The following OTUD7A variants were observed in gnomAD, a reference collection of about 807,000 sequenced individuals.
The protein encoded by OTUD7A is OTU deubiquitinase 7A, also known as OTU domain-containing protein 7A.
A neutral mutation model predicts 65.7 loss-of-function variants in OTUD7A; 12 were observed. That is an observed-to-expected ratio of 0.18 (90% CI 0.12 to 0.30). The LOEUF is 0.30. OTUD7A is among the 10% of genes least tolerant of loss of function. The pLI is 1.00. For synonymous variants in OTUD7A, 641 were observed against 586.3 expected, an observed-to-expected ratio of 1.09 and a Z score of -1.35; for missense variants, 1,148 against 1,304.8, an observed-to-expected ratio of 0.88 and a Z score of 1.85.
chr15:31,518,782 G>C (rs2041898639), intron 8 of OTUD7A, among the ~76,000 whole-genome samples: 2 of 152,244 alleles, frequency 1.3e-5, no homozygotes, highest in Admixed American at 1.3e-4. Context: ...GTCTGAGGAG[G>C]CTCAAGGGGC....
chr15:31,580,299 G>A (rs1433952368), intron 3 of OTUD7A, among the ~76,000 whole-genome samples: 2 of 152,172 alleles, frequency 1.3e-5, no homozygotes, highest in Non-Finnish European at 2.9e-5. Context: ...GGAGAGAGAT[G>A]CCCTGCAGGA....
intron 3 of OTUD7A, among the ~76,000 whole-genome samples, chr15:31,623,308 T>A (rs1401461991): frequency 1.3e-5 from 2 of 152,220 alleles, no homozygotes; most frequent in African/African-American, 4.8e-5. Context: ...ACTGGGACAT[T>A]TAAGTCTGCA....
intron 1 of OTUD7A, among the ~76,000 whole-genome samples, chr15:31,669,484 T>C (rs1028899376): frequency 3.3e-5 from 5 of 152,156 alleles, no homozygotes; most frequent in African/African-American, 1.2e-4. Flanking sequence ...GAAGGGCCGG[T>C]CTTCTCCCAC....
rs189857722 is a variant in OTUD7A, at chr15:31,659,301, C to A, written c.-99-2224G>T. On this transcript the variant is annotated intron_variant, in intron 1 of 12. Transcript: ENST00000307050. ...AGGTTACTCTTCACTCTCAGGACAG[C>A]AAACAGGGTAGTGAATGCTTTTAAC... Among the ~76,000 whole-genome samples, 4 of 152,134 alleles carry A rather than the reference C, an allele frequency of 2.6e-5. No individual in the cohort carries two copies. The East Asian group carries it at 7.8e-4, about 30-fold the overall frequency.
Position 31,862,823 on chromosome 15 carries a change from G to A in OTUD7A, c.-100+7684C>T, listed in dbSNP as rs548402017. On this transcript the variant is annotated intron_variant, in intron 1 of 12. Transcript: ENST00000307050. The stretch of plus-strand genomic sequence containing the variant: ...CAATTGTGCCTTCCCAACAGTCCCT[G>A]AAAGTCTTAACTCATTTCAGAATTA... 2.6e-5 allele frequency among the ~76,000 whole-genome samples: 4 copies of A among 152,234 alleles called. No individual in the cohort carries two copies. The East Asian group carries it at 5.8e-4, about 22-fold the overall frequency.
chr15:31,645,575 G>C (rs1224221267), intron 3 of OTUD7A, among the ~76,000 whole-genome samples: 1 of 151,958 alleles, frequency 6.6e-6, no homozygotes, highest in Non-Finnish European at 1.5e-5. Context: ...ATTTTTCTTA[G>C]CACTATCATA....
At chr15:31,714,458 GC>G (rs761581756) in intron 1 of OTUD7A, among the ~76,000 whole-genome samples, 1 of 152,106 alleles carries the variant, frequency 6.6e-6, no homozygotes, top group Non-Finnish European at 1.5e-5. Context: ...GGGGGCAGAT[GC>G]CTGCATCTCA....
chr15:31,573,194 T>C (rs554852268), intron 3 of OTUD7A, among the ~76,000 whole-genome samples: 63 of 152,178 alleles, frequency 4.1e-4, no homozygotes, highest in Non-Finnish European at 7.9e-4. Flanking sequence ...CAAAAGACAA[T>C]AGGGCCACAT....
intron 1 of OTUD7A, among the ~76,000 whole-genome samples, chr15:31,818,853 T>C (rs1051032550): frequency 1.3e-5 from 2 of 152,234 alleles, no homozygotes; most frequent in East Asian, 1.9e-4. Context: ...TATGTAGTCC[T>C]GGTATCATGG....
At chr15:31,743,400 T>A (rs971297976) in intron 1 of OTUD7A, among the ~76,000 whole-genome samples, 1 of 152,148 alleles carries the variant, frequency 6.6e-6, no homozygotes, top group Non-Finnish European at 1.5e-5. Flanking sequence ...GAAAATAATT[T>A]TAAACTTGAA....
chr15:31,758,630 TA>T (rs1251814440), intron 1 of OTUD7A, among the ~76,000 whole-genome samples: 5 of 152,220 alleles, frequency 3.3e-5, no homozygotes, highest in Non-Finnish European at 5.9e-5. Flanking sequence ...TAATATGTTC[TA>T]AAAATATATA....
At chr15:31,844,726 A>T (rs1024925565) in intron 1 of OTUD7A, among the ~76,000 whole-genome samples, 1 of 152,242 alleles carries the variant, frequency 6.6e-6, no homozygotes, top group Non-Finnish European at 1.5e-5. Flanking sequence ...AGCAGAAAAC[A>T]TCAATTACAA....
intron 2 of OTUD7A, among the ~76,000 whole-genome samples, chr15:31,656,033 T>C (rs1451683541): frequency 6.6e-6 from 1 of 152,164 alleles, no homozygotes; most frequent in Non-Finnish European, 1.5e-5. Context: ...TTGACGGAAA[T>C]ACCACACTTG....
chr15:31,695,984 C>T (rs1893071389), intron 1 of OTUD7A, among the ~76,000 whole-genome samples: 3 of 152,210 alleles, frequency 2.0e-5, no homozygotes, highest in African/African-American at 7.2e-5. Context: ...CACACACAGG[C>T]CTGTCCTTCT....
At chr15:31,658,036 G>A (rs770217858) in intron 1 of OTUD7A, among the ~76,000 whole-genome samples, 13 of 152,248 alleles carry the variant, frequency 8.5e-5, no homozygotes, top group East Asian at 3.9e-4. Flanking sequence ...GGGCAGTGCC[G>A]TGTGGGGACA....
chr15:31,510,504 A>G (rs1306295357), intron 8 of OTUD7A, among the ~76,000 whole-genome samples: 20 of 145,146 alleles, frequency 1.4e-4, no homozygotes, highest in Non-Finnish European at 9.0e-5. Context: ...TATATGTAAC[A>G]TACATATATA....
At chr15:31,802,085 ATAT>A (rs887567108) in intron 1 of OTUD7A, among the ~76,000 whole-genome samples, 1 of 141,432 alleles carries the variant, frequency 7.1e-6, no homozygotes, top group Non-Finnish European at 1.5e-5. Flanking sequence ...CTAATGGAAT[ATAT>A]ATGTGTGTGT....
chr15:31,800,923 C>G (rs1452375612), intron 1 of OTUD7A, among the ~76,000 whole-genome samples: 1 of 152,076 alleles, frequency 6.6e-6, no homozygotes, highest in Non-Finnish European at 1.5e-5. Context: ...CATGGGCATC[C>G]CTCCATGGGT....
At chr15:31,612,177 C>T (rs969658833) in intron 3 of OTUD7A, among the ~76,000 whole-genome samples, 4 of 152,224 alleles carry the variant, frequency 2.6e-5, no homozygotes, top group South Asian at 2.1e-4. Flanking sequence ...TATGACAAAC[C>T]CACAGCCAAC....
Sources: gnomAD v4.1 joint callset for allele counts (sites outside exome capture counted in the v4.1 genomes callset) on GRCh38, gnomAD v4.1.1 for gene constraint, MANE v1.5 for transcripts, NCBI Gene and HGNC (gene_info 2026-07-23, HGNC 2026-07-21) for gene names.